Variants in EPM2A observed in about 807,000 individuals in gnomAD.
The protein encoded by EPM2A is laforin.
EPM2A carries 21 observed loss-of-function variants against 26.5 expected under a neutral mutation model. That is an observed-to-expected ratio of 0.79 (90% confidence interval 0.56 to 1.14). The LOEUF is 1.14. EPM2A is among the 50% of genes most tolerant of loss of function. The pLI is 0.00. For missense variants in EPM2A, 458 were observed against 440.8 expected (o/e 1.04, Z -0.35); for synonymous variants, 217 against 177.6 (o/e 1.22, Z -1.76).
chr6:145,484,225 T>A (rs1469205742), intron 4 of EPM2A, among the ~76,000 whole-genome samples: 1 of 152,120 alleles, frequency 6.6e-6, no homozygotes, highest in Non-Finnish European at 1.5e-5. Flanking sequence ...AAGTTTTCAG[T>A]CCTGTAATAC....
At chr6:145,560,043 C>T (rs1780783274) in intron 2 of EPM2A, among the ~76,000 whole-genome samples, 1 of 152,072 alleles carries the variant, frequency 6.6e-6, no homozygotes, top group African/African-American at 2.4e-5. Context: ...TGTTAAAGTA[C>T]ATTCAGCCAG....
chr6:145,607,012 G>C (rs900559594), intron 2 of EPM2A, among the ~76,000 whole-genome samples: 45 of 152,120 alleles, frequency 3.0e-4, no homozygotes, highest in African/African-American at 1.0e-3. Flanking sequence ...CAGCAGAATA[G>C]ACAAATAAGG....
At chr6:145,706,703 T>C (rs1185932356) in intron 1 of EPM2A, among the ~76,000 whole-genome samples, 1 of 152,194 alleles carries the variant, frequency 6.6e-6, no homozygotes, top group Non-Finnish European at 1.5e-5. Flanking sequence ...TATACGCATG[T>C]GTTAGTGTTG....
In EPM2A at chr6:145,465,635, A is replaced by G. The variant is rs1238193545; in HGVS notation, c.555+36887T>C. Reference sequence around the variant, plus strand: ...TTGGTCTTTGATGATGGTGATGTACAGATGGGTTTTTGGTGTGGATGTCCT... The same window carrying G: ...TTGGTCTTTGATGATGGTGATGTACGGATGGGTTTTTGGTGTGGATGTCCT... On this transcript the variant is annotated intron_variant, in intron 4 of 4. Transcript: ENST00000638717. Among the ~76,000 whole-genome samples, 11 of 151,796 alleles carry G rather than the reference A, an allele frequency of 7.2e-5. No individual in the cohort carries two copies. In the East Asian group the frequency reaches 1.9e-3, roughly 27 times the overall value.
At chr6:145,409,477 T>C (rs1778614859) in intron 4 of EPM2A, among the ~76,000 whole-genome samples, 1 of 152,210 alleles carries the variant, frequency 6.6e-6, no homozygotes, top group African/African-American at 2.4e-5. Context: ...TGCTATGATG[T>C]TTAATAATAT....
intron 4 of EPM2A, among the ~76,000 whole-genome samples, chr6:145,396,276 C>T (rs150792443): frequency 4.6e-5 from 7 of 152,172 alleles, no homozygotes; most frequent in Non-Finnish European, 1.0e-4. Context: ...CCTCCTTCTT[C>T]CCGGGCTCCT....
At chr6:145,399,169 G>C (rs949982186) in intron 4 of EPM2A, among the ~76,000 whole-genome samples, 1 of 152,098 alleles carries the variant, frequency 6.6e-6, no homozygotes, top group Non-Finnish European at 1.5e-5. Flanking sequence ...ATTTTAAAAA[G>C]TTTGCGAGAG....
chr6:145,428,627 TACTC>T (rs1482264515), intron 4 of EPM2A, among the ~76,000 whole-genome samples: 1 of 152,240 alleles, frequency 6.6e-6, no homozygotes, highest in Admixed American at 6.5e-5. Flanking sequence ...AATGCATACA[TACTC>T]ACACACACAG....
At chr6:145,706,636 G>T (rs1782237822) in intron 1 of EPM2A, among the ~76,000 whole-genome samples, 1 of 152,110 alleles carries the variant, frequency 6.6e-6, no homozygotes, top group African/African-American at 2.4e-5. Context: ...GACCATGGCA[G>T]ACAACACATA....
At chr6:145,683,829 C>G (rs1438551083) in intron 2 of EPM2A, among the ~76,000 whole-genome samples, 1 of 152,084 alleles carries the variant, frequency 6.6e-6, no homozygotes, top group Non-Finnish European at 1.5e-5. Context: ...CTCACAGGTA[C>G]AGAGGCCAGT....
chr6:145,513,566 AATT>A (rs1318579108), intron 2 of EPM2A, among the ~76,000 whole-genome samples: 1 of 152,192 alleles, frequency 6.6e-6, no homozygotes, highest in Non-Finnish European at 1.5e-5. Context: ...GTGGAAAAGA[AATT>A]ATTATAGAAA....
In EPM2A at chr6:145,554,422, TGATAGATAGATA is replaced by T. The variant is rs34637179; in HGVS notation, c.341-51859_341-51848del. Among the ~76,000 whole-genome samples, 569 of 146,222 alleles carry T rather than the reference TGATAGATAGATA, an allele frequency of 3.9e-3. 1 individual carries two copies. The highest frequency in any genetic ancestry group is 0.011 in the African/African-American group (419 of 39,530). On this transcript the variant is annotated intron_variant, in intron 2 of 3. Coordinates refer to the EPM2A transcript ENST00000450221. ...GATAGATAATAGAGAGATAGATAGATGATAGATAGATAGATAGATAGATAGATAGATAGATAG... is the reference window on the plus strand; with the variant it reads ...GATAGATAATAGAGAGATAGATAGATGATAGATAGATAGATAGATAGATAG...
At chr6:145,389,276 G>A (rs1056909599) in intron 4 of EPM2A, among the ~76,000 whole-genome samples, 2 of 149,888 alleles carry the variant, frequency 1.3e-5, no homozygotes, top group Non-Finnish European at 3.0e-5. Flanking sequence ...TGCAATCTCC[G>A]TCTCCTGGGT....
chr6:145,475,979 G>A (rs761196955), intron 4 of EPM2A, among the ~76,000 whole-genome samples: 2 of 151,954 alleles, frequency 1.3e-5, no homozygotes. Context: ...TCAAAAGACA[G>A]AGACTGGTGA....
At chr6:145,565,589 A>G (rs1780874473) in intron 2 of EPM2A, among the ~76,000 whole-genome samples, 1 of 152,126 alleles carries the variant, frequency 6.6e-6, no homozygotes, top group Non-Finnish European at 1.5e-5. Flanking sequence ...TGACCAAGAA[A>G]CTTCACAGTA....
At chr6:145,669,572 G>C (rs761712530) in intron 2 of EPM2A, among the ~76,000 whole-genome samples, 37 of 152,114 alleles carry the variant, frequency 2.4e-4, no homozygotes, top group Non-Finnish European at 5.3e-4. Context: ...CTTCCATAAT[G>C]GTTCACATAA....
At chr6:145,498,767 T>C (rs1280387600), downstream of EPM2A, among the ~76,000 whole-genome samples, 1 of 152,188 alleles carries the variant, frequency 6.6e-6, no homozygotes, top group Non-Finnish European at 1.5e-5. Flanking sequence ...GCCCCTTTTG[T>C]TCCTCTCCGT....
chr6:145,461,227 A>G (rs1207316084), intron 4 of EPM2A, among the ~76,000 whole-genome samples: 1 of 152,210 alleles, frequency 6.6e-6, no homozygotes. Flanking sequence ...ATCACAGGCA[A>G]TAAGTCAGTT....
chr6:145,398,951 G>T (rs1399950753), intron 4 of EPM2A, among the ~76,000 whole-genome samples: 1 of 151,262 alleles, frequency 6.6e-6, no homozygotes, highest in Non-Finnish European at 1.5e-5. Flanking sequence ...AACTTTCTGA[G>T]TCCAATTGCT....
Sources: gnomAD v4.1 joint callset for allele counts (sites outside exome capture counted in the v4.1 genomes callset) on GRCh38, gnomAD v4.1.1 for gene constraint, MANE v1.5 for transcripts, NCBI Gene and HGNC (gene_info 2026-07-23, HGNC 2026-07-21) for gene names.